Variants in LRMDA observed in about 807,000 individuals in gnomAD.
The protein encoded by LRMDA is leucine rich melanocyte differentiation associated.
Under a neutral mutation model 29.8 loss-of-function variants are expected in LRMDA, and 18 were observed. The ratio of observed to expected loss-of-function variants is 0.60; its 90% CI spans 0.42 to 0.90. The LOEUF (loss-of-function observed/expected upper bound fraction) is 0.90. Among genes scored for constraint, LRMDA ranks in the 40% least tolerant of loss-of-function variants. The pLI, the probability that LRMDA is intolerant of heterozygous loss-of-function variation, is 0.00. For synonymous variants in LRMDA, 125 were observed against 109.4 expected, an observed-to-expected ratio of 1.14 and a Z score of -0.89; for missense variants, 273 against 273.9, an observed-to-expected ratio of 1.00 and a Z score of 0.02.
At chr10:76,209,753 C>T (rs1437928735) in intron 5 of LRMDA, among the ~76,000 whole-genome samples, 1 of 152,182 alleles carries the variant, frequency 6.6e-6, no homozygotes, top group African/African-American at 2.4e-5. Flanking sequence ...TGATGTATCA[C>T]GTACAATCCT....
chr10:76,317,776 A>G (rs1296828543), intron 5 of LRMDA, among the ~76,000 whole-genome samples: 2 of 152,062 alleles, frequency 1.3e-5, no homozygotes, highest in African/African-American at 4.8e-5. Context: ...GTTTCACCAT[A>G]TTGGTCAGGT....
At chr10:76,055,441 G>C (rs1848598291) in intron 4 of LRMDA, among the ~76,000 whole-genome samples, 1 of 152,264 alleles carries the variant, frequency 6.6e-6, no homozygotes, top group Admixed American at 6.5e-5. Flanking sequence ...GCCACTTGGT[G>C]ATAATGTCAC....
chr10:76,167,149 G>A (rs1460108775), intron 5 of LRMDA, among the ~76,000 whole-genome samples: 1 of 151,958 alleles, frequency 6.6e-6, no homozygotes, highest in Non-Finnish European at 1.5e-5. Flanking sequence ...CTTTTTGATA[G>A]GGTTGTTTGT....
chr10:75,822,483 A>C (rs12359443), intron 2 of LRMDA, among the ~76,000 whole-genome samples: 1 of 152,244 alleles, frequency 6.6e-6, no homozygotes, highest in African/African-American at 2.4e-5. Flanking sequence ...ATATGGAACC[A>C]AAAAAAGCCT....
intron 2 of LRMDA, among the ~76,000 whole-genome samples, chr10:75,738,158 T>C (rs769172244): frequency 6.6e-6 from 1 of 152,004 alleles, no homozygotes; most frequent in Non-Finnish European, 1.5e-5. Context: ...GGGGTAAAAT[T>C]CTTCCTCCTT....
chr10:75,447,341 C>T (rs758556647), intron 2 of LRMDA, among the ~76,000 whole-genome samples: 18 of 152,064 alleles, frequency 1.2e-4, no homozygotes, highest in African/African-American at 4.3e-4. Flanking sequence ...GCCTGGCCAA[C>T]GTGGTGAAAC....
chr10:75,589,765 A>T (rs202238627), intron 2 of LRMDA, among the ~76,000 whole-genome samples: 35 of 144,886 alleles, frequency 2.4e-4, no homozygotes, highest in African/African-American at 6.5e-4. Context: ...GTCTAAAAAA[A>T]ATATATATAT....
rs924409260 is a variant in LRMDA at position 75,749,596 on chromosome 10, T to TA, written c.132-286404dup. On this transcript the variant is annotated intron_variant, in intron 2 of 6. Transcript: ENST00000611255. Reference sequence around the variant, plus strand: ...CATCTGAAATTATTGGTTTTTTGGTTAAAAAAAAGCACCAGTCAAATATAG... The same window carrying TA: ...CATCTGAAATTATTGGTTTTTTGGTTAAAAAAAAAGCACCAGTCAAATATAG... Among the ~76,000 whole-genome samples, 12 of 151,386 alleles carry TA rather than the reference T, an allele frequency of 7.9e-5. No homozygotes were observed. The East Asian group carries it at 1.4e-3, about 17-fold the overall frequency.
At chr10:76,311,737 C>T (rs1840632358) in intron 5 of LRMDA, among the ~76,000 whole-genome samples, 1 of 152,142 alleles carries the variant, frequency 6.6e-6, no homozygotes, top group African/African-American at 2.4e-5. Flanking sequence ...CTTGTGATCC[C>T]CACAAATATA....
chr10:75,623,906 G>A (rs114363397), intron 2 of LRMDA, among the ~76,000 whole-genome samples: 2,090 of 152,232 alleles, frequency 0.014, 51 homozygotes, highest in African/African-American at 0.048. Context: ...AATTTGTGCT[G>A]GATTAGGTTG....
At chr10:75,738,553 C>T (rs543375396) in intron 2 of LRMDA, among the ~76,000 whole-genome samples, 3 of 152,292 alleles carry the variant, frequency 2.0e-5, no homozygotes, top group East Asian at 1.9e-4. Flanking sequence ...GGGCAGAAGA[C>T]GTCATTGATA....
At chr10:75,722,637 A>T (rs925742343) in intron 2 of LRMDA, among the ~76,000 whole-genome samples, 1 of 152,190 alleles carries the variant, frequency 6.6e-6, no homozygotes, top group African/African-American at 2.4e-5. Flanking sequence ...TCTGTATGGT[A>T]GGGCGATGTT....
At chr10:76,371,624 A>G (rs900200044) in intron 6 of LRMDA, among the ~76,000 whole-genome samples, 8 of 152,166 alleles carry the variant, frequency 5.3e-5, no homozygotes, top group African/African-American at 1.9e-4. Context: ...AAATTCATCC[A>G]TGGGTAATGC....
chr10:75,560,828 G>T (rs1028314222), intron 2 of LRMDA, among the ~76,000 whole-genome samples: 3 of 152,058 alleles, frequency 2.0e-5, no homozygotes, highest in South Asian at 2.1e-4. Context: ...TTATATGCTG[G>T]ATTACATTTA....
chr10:76,429,841 C>T (rs545413116), intron 6 of LRMDA, among the ~76,000 whole-genome samples: 4 of 152,232 alleles, frequency 2.6e-5, no homozygotes, highest in South Asian at 2.1e-4. Context: ...GCAGAAAAGG[C>T]GCCTGCCGAG....
intron 2 of LRMDA, among the ~76,000 whole-genome samples, chr10:75,646,106 A>C (rs1026059524): frequency 7.1e-6 from 1 of 141,160 alleles, no homozygotes; most frequent in Admixed American, 7.5e-5. Flanking sequence ...TTCTTTTCCT[A>C]TGGAATAAAT....
chr10:75,480,812 G>A (rs1844847416), intron 2 of LRMDA, among the ~76,000 whole-genome samples: 1 of 152,210 alleles, frequency 6.6e-6, no homozygotes, highest in Admixed American at 6.5e-5. Flanking sequence ...GCAGAGGCCT[G>A]CATTGGAGCA....
chr10:75,803,438 T>C (rs933995783), intron 2 of LRMDA, among the ~76,000 whole-genome samples: 3 of 152,196 alleles, frequency 2.0e-5, no homozygotes, highest in Admixed American at 2.0e-4. Flanking sequence ...GGGTAACAAG[T>C]CCTGCCGGGA....
At chr10:75,997,937 C>T (rs1847499923) in intron 2 of LRMDA, among the ~76,000 whole-genome samples, 1 of 152,232 alleles carries the variant, frequency 6.6e-6, no homozygotes. Context: ...GGCTGCAGCC[C>T]ATCTGCCTGG....
Sources: allele counts gnomAD v4.1 joint callset (sites outside exome capture counted in the v4.1 genomes callset), GRCh38; gene constraint gnomAD v4.1.1; transcripts MANE v1.5; gene names NCBI Gene and HGNC (gene_info 2026-07-23, HGNC 2026-07-21).